The following PCBP3 variants were observed in gnomAD, a reference collection of about 807,000 sequenced individuals.
PCBP3 encodes poly(rC)-binding protein 3.
PCBP3 carries 25 observed loss-of-function variants against 52.7 expected under a neutral mutation model. That is an observed-to-expected ratio of 0.47 (90% CI 0.35 to 0.66). The LOEUF is 0.66. PCBP3 is among the 30% of genes least tolerant of loss of function. The probability of loss-of-function intolerance (pLI) is 0.01; values close to 1 mark genes in which losing one functional copy is unlikely to be tolerated. For synonymous variants in PCBP3, 162 were observed against 183.0 expected (o/e 0.89, Z 0.93); for missense variants, 391 against 490.3 (o/e 0.80, Z 1.91).
chr21:45,701,629 C>T (rs901510673), intron 2 of PCBP3, among the ~76,000 whole-genome samples: 35 of 152,286 alleles, frequency 2.3e-4, no homozygotes, highest in Admixed American at 6.5e-5. Flanking sequence ...GGCACAATCT[C>T]GGCTCACTGC....
At chr21:45,911,174 G>A (rs753358410) in intron 11 of PCBP3, 144 bp downstream of exon 11, 140 of 945,594 alleles carry the variant, frequency 1.5e-4, no homozygotes, top group Non-Finnish European at 2.2e-4. Context: ...GTCAGCCTGA[G>A]CGAGAGCGGT....
chr21:45,708,526 A>T (rs1001197859), intron 2 of PCBP3, among the ~76,000 whole-genome samples: 2 of 152,228 alleles, frequency 1.3e-5, no homozygotes, highest in East Asian at 3.8e-4. Context: ...TTCTCCTAAA[A>T]TTCAGGAAAC....
chr21:45,935,490 G>C (rs1190504027), intron 16 of PCBP3, 185 bp downstream of exon 16: 1 of 695,180 alleles, frequency 1.4e-6, no homozygotes, highest in African/African-American at 1.7e-5. Flanking sequence ...CCCATAAAAA[G>C]TTATGTGTTT....
In PCBP3 at chr21:45,928,397, C is replaced by T. The variant is rs560495792; in HGVS notation, c.718-1520C>T. ...GGAGGGGCAGGGCTGGGGAGCAGGCCCCCCGATCCTCCCAGGGTACTAGGT... is the reference window on the plus strand; with the variant it reads ...GGAGGGGCAGGGCTGGGGAGCAGGCTCCCCGATCCTCCCAGGGTACTAGGT... On this transcript the variant is annotated intron_variant, in intron 13 of 17. Coordinates refer to ENST00000681687, the MANE Select transcript of PCBP3 (RefSeq NM_001384156.1). The surrounding 1 kb of genome is among the most constrained non-coding windows in gnomAD (Gnocchi z 4.1). Among the ~76,000 whole-genome samples the T allele has an allele frequency of 1.3e-5, 2 of 152,234 alleles. No individual in the cohort carries two copies. Among genetic ancestry groups the T allele is most frequent in the East Asian group, 1.9e-4 (1 of 5,154 alleles).
intron 2 of PCBP3, among the ~76,000 whole-genome samples, chr21:45,719,530 G>A (rs1340000239): frequency 6.6e-6 from 1 of 152,124 alleles, no homozygotes; most frequent in Non-Finnish European, 1.5e-5. Flanking sequence ...AGGACCAGGT[G>A]GAGGTAACTG....
chr21:45,879,440 A>G (rs1245702259), intron 5 of PCBP3, among the ~76,000 whole-genome samples: 4 of 152,234 alleles, frequency 2.6e-5, no homozygotes, highest in African/African-American at 9.6e-5. Flanking sequence ...ATCCATGCCG[A>G]GTGATAGAAA....
intron 4 of PCBP3, among the ~76,000 whole-genome samples, chr21:45,838,279 A>G (rs1272898637): frequency 1.3e-5 from 2 of 152,180 alleles, no homozygotes; most frequent in African/African-American, 4.8e-5. Flanking sequence ...TTTCTGATGT[A>G]ACCACATCAG....
intron 4 of PCBP3, among the ~76,000 whole-genome samples, chr21:45,780,794 A>G (rs1299925940): frequency 6.6e-6 from 1 of 151,462 alleles, no homozygotes. Flanking sequence ...GGTGGGGAGC[A>G]AGAGAGAGAG....
intron 7 of PCBP3, 56 bp from the exon 8 acceptor site, chr21:45,900,535 G>A (rs368086551): frequency 5.4e-5 from 77 of 1,433,670 alleles, no homozygotes; most frequent in Admixed American, 8.4e-5. Flanking sequence ...CATGGGCCGC[G>A]CCGTCCTCAG....
intron 3 of PCBP3, chr21:45,752,735 A>G (rs1259821967): frequency 6.6e-6 from 1 of 152,076 alleles, no homozygotes; most frequent in Non-Finnish European, 1.5e-5. Context: ...ATGGTCAAGT[A>G]TTATAAATGT....
rs962480588 is a variant in PCBP3, at chr21:45,827,161, C to T, written c.-125-22800C>T. ...CCCTACCTGCTCAGGATCTCCTTCCCATTTGGGCATCAGCTGAGGGACAAG... is the reference window on the plus strand; with the variant it reads ...CCCTACCTGCTCAGGATCTCCTTCCTATTTGGGCATCAGCTGAGGGACAAG... On this transcript the variant is annotated intron_variant, in intron 4 of 17. Coordinates refer to ENST00000681687, the MANE Select transcript of PCBP3 (RefSeq NM_001384156.1). The surrounding 1 kb of genome is among the most constrained non-coding windows in gnomAD (Gnocchi z 4.3). 3.3e-5 allele frequency among the ~76,000 whole-genome samples: 5 copies of T among 152,178 alleles called. No homozygotes were observed. The highest frequency in any genetic ancestry group is 1.2e-4 in the African/African-American group (5 of 41,454).
At chr21:45,869,190 A>T (rs931384467) in intron 5 of PCBP3, 1 of 152,192 alleles carries the variant, frequency 6.6e-6, no homozygotes, top group Admixed American at 6.5e-5. Flanking sequence ...GGCTGATGGG[A>T]GGTTGTGGGA....
rs2080011735 is a variant in PCBP3, at chr21:45,656,268, A to T, written c.-279+12400A>T. 6.6e-6 allele frequency among the ~76,000 whole-genome samples: 1 copy of T among 152,244 alleles called. No individual in the cohort carries two copies. Among genetic ancestry groups the T allele is most frequent in the Admixed American group, 6.5e-5 (1 of 15,288 alleles). On this transcript the variant is annotated intron_variant, in intron 1 of 17. Transcript: ENST00000681687. This position sits in a 1 kb window ranked among gnomAD's most constrained non-coding sequence, Gnocchi z 4.3. Reference sequence around the variant, plus strand: ...CAAATGCCCATCAGTGATAGACTGGATAAAGAAAATGTGGCACATATACAC... The same window carrying T: ...CAAATGCCCATCAGTGATAGACTGGTTAAAGAAAATGTGGCACATATACAC...
chr21:45,699,952 A>G (rs1442123825), intron 2 of PCBP3, among the ~76,000 whole-genome samples: 1 of 152,160 alleles, frequency 6.6e-6, no homozygotes, highest in African/African-American at 2.4e-5. Context: ...TCACATTTCA[A>G]AACCAATCAT....
intron 4 of PCBP3, chr21:45,762,516 G>A (rs1194140371): frequency 2.3e-5 from 1 of 42,934 alleles, no homozygotes; most frequent in African/African-American, 5.7e-5. Context: ...TTGAGACAGA[G>A]TCTCACTCTG....
At chr21:45,781,614 A>AT (rs1164186945) in intron 4 of PCBP3, among the ~76,000 whole-genome samples, 2 of 152,230 alleles carry the variant, frequency 1.3e-5, no homozygotes, top group African/African-American at 4.8e-5. Flanking sequence ...ACCTACCAAC[A>AT]TCCCACTAGA....
At chr21:45,822,291 A>G (rs764022776) in intron 4 of PCBP3, among the ~76,000 whole-genome samples, 2 of 151,952 alleles carry the variant, frequency 1.3e-5, no homozygotes, top group Non-Finnish European at 2.9e-5. Flanking sequence ...CGCACTGTCC[A>G]TTTCTTTAGC....
chr21:45,804,990 G>A (rs947232385), intron 4 of PCBP3, among the ~76,000 whole-genome samples: 12 of 152,200 alleles, frequency 7.9e-5, no homozygotes, highest in Non-Finnish European at 1.8e-4. Context: ...GAGGGTGTCA[G>A]TGACGTAGAT....
intron 1 of PCBP3, among the ~76,000 whole-genome samples, chr21:45,663,121 T>G (rs2051027756): frequency 6.6e-6 from 1 of 151,754 alleles, no homozygotes; most frequent in Non-Finnish European, 1.5e-5. Flanking sequence ...GTGAAAGTAC[T>G]AAAAGTCTCT....
Sources: gnomAD v4.1 joint callset for allele counts (sites outside exome capture counted in the v4.1 genomes callset) on GRCh38, gnomAD v4.1.1 for gene constraint, Gnocchi (gnomAD v3.1) non-coding constraint, MANE v1.5 for transcripts, NCBI Gene and HGNC (gene_info 2026-07-23, HGNC 2026-07-21) for gene names.